ABR: variants seen among roughly 807,000 people sequenced by gnomAD.
ABR encodes ABR activator of RhoGEF and GTPase, also known as active breakpoint cluster region-related protein.
Under a neutral mutation model 107.2 loss-of-function variants are expected in ABR, and 35 were observed. The ratio of observed to expected loss-of-function variants is 0.33; its 90% confidence interval spans 0.25 to 0.43. The LOEUF is 0.43. Among genes scored for constraint, ABR ranks in the 20% least tolerant of loss-of-function variants. The probability of loss-of-function intolerance (pLI) is 1.00; values close to 1 mark genes in which losing one functional copy is unlikely to be tolerated. For missense variants in ABR, 815 were observed against 1,115.2 expected, an observed-to-expected ratio of 0.73 and a Z score of 3.83; for synonymous variants, 498 against 462.0, an observed-to-expected ratio of 1.08 and a Z score of -1.00.
rs957541551 is a variant in ABR at position 1,078,434 on chromosome 17, C to T, written c.700+896G>A. Among the ~76,000 whole-genome samples, 43 of 152,186 alleles carry T rather than the reference C, an allele frequency of 2.8e-4. No individual in the cohort carries two copies. Among genetic ancestry groups the T allele is most frequent in the African/African-American group, 9.7e-4 (40 of 41,446 alleles). On this transcript the variant is annotated intron_variant, in intron 6 of 22. Transcript: ENST00000302538. This position sits in a 1 kb window ranked among gnomAD's most constrained non-coding sequence, Gnocchi z 7.5. ...CGTCCGGACCATCGCCACCCATCGC[C>T]ACGCTGTGCCTGGCCCCCGCAGACC...
intron 1 of ABR, among the ~76,000 whole-genome samples, chr17:1,167,503 G>T (rs958915398): frequency 6.6e-6 from 1 of 152,192 alleles, no homozygotes; most frequent in South Asian, 2.1e-4. Context: ...CGAGCGGAGG[G>T]AGTAAGCCGA....
At chr17:1,142,653 C>G (rs531596200) in intron 1 of ABR, among the ~76,000 whole-genome samples, 1 of 152,178 alleles carries the variant, frequency 6.6e-6, no homozygotes, top group East Asian at 1.9e-4. Flanking sequence ...TCAATTCAGC[C>G]AGCACAGGGA....
chr17:1,140,031 G>A (rs887021151), intron 1 of ABR, among the ~76,000 whole-genome samples: 2 of 152,166 alleles, frequency 1.3e-5, no homozygotes, highest in Non-Finnish European at 2.9e-5. Context: ...CAGATTTCAC[G>A]CACGCTGGGA....
chr17:1,136,611 G>A (rs1031182671), intron 1 of ABR, among the ~76,000 whole-genome samples: 1 of 152,116 alleles, frequency 6.6e-6, no homozygotes, highest in African/African-American at 2.4e-5. Context: ...TTCTCCATCC[G>A]TACTTGCTGC....
At chr17:1,086,532 G>A (rs1205199457) in intron 4 of ABR, among the ~76,000 whole-genome samples, 6 of 147,480 alleles carry the variant, frequency 4.1e-5, no homozygotes, top group Admixed American at 2.7e-4. Context: ...ATGGAGTCTC[G>A]CTCTGTCAAC....
rs1424540387 is a variant in ABR at position 1,150,223 on chromosome 17, C to A, written c.62-24856G>T. Reference sequence around the variant, plus strand: ...CTGTGTCAGAATTTTTTTTGTTACCCACCTGACAAAGCTCTTCATCTTGCT... The same window carrying A: ...CTGTGTCAGAATTTTTTTTGTTACCAACCTGACAAAGCTCTTCATCTTGCT... On this transcript the variant is annotated intron_variant, in intron 1 of 22. Transcript: ENST00000302538. This position sits in a 1 kb window ranked among gnomAD's most constrained non-coding sequence, Gnocchi z 4.8. 2.6e-5 allele frequency among the ~76,000 whole-genome samples: 4 copies of A among 152,210 alleles called. No homozygotes were observed. The East Asian group carries it at 7.7e-4, about 29-fold the overall frequency.
rs569515319 is a variant in ABR, at chr17:1,178,436, T to C, written c.61+1231A>G. Among the ~76,000 whole-genome samples, 433 of 151,630 alleles carry C rather than the reference T, an allele frequency of 2.9e-3. 2 individuals carry two copies. The highest frequency in any genetic ancestry group is 3.2e-3 in the Non-Finnish European group (216 of 67,876). On this transcript the variant is annotated intron_variant, in intron 1 of 22. Transcript: ENST00000302538. ...AAAATTAGCCGAGAGTGGTGGTGGG[T>C]ACCTGTAATCCCAGCTACTCAGGAG...
chr17:1,098,587 C>T (rs1032043551), intron 3 of ABR, among the ~76,000 whole-genome samples: 4 of 152,192 alleles, frequency 2.6e-5, no homozygotes, highest in Non-Finnish European at 4.4e-5. Context: ...GATTTCACAA[C>T]CCAAAGCACT....
chr17:1,086,333 G>A (rs998168514), intron 4 of ABR, among the ~76,000 whole-genome samples: 6 of 152,166 alleles, frequency 3.9e-5, no homozygotes, highest in South Asian at 2.1e-4. Context: ...GCTCACAAAC[G>A]GGGGAAGCCG....
At chr17:1,034,023 T>A (rs1357268476) in intron 16 of ABR, among the ~76,000 whole-genome samples, 1 of 147,696 alleles carries the variant, frequency 6.8e-6, no homozygotes, top group Non-Finnish European at 1.5e-5. Flanking sequence ...CAGGCTGGAG[T>A]GCAGTGGTGC....
At chr17:1,140,438 G>A (rs1267549044) in intron 1 of ABR, among the ~76,000 whole-genome samples, 2 of 152,180 alleles carry the variant, frequency 1.3e-5, no homozygotes, top group Non-Finnish European at 2.9e-5. Context: ...ACTGGCCAGC[G>A]GAAGCGAGGC....
chr17:1,109,496 TGGCGGAGGCTTCTGC>T (rs1274768930), intron 2 of ABR, among the ~76,000 whole-genome samples: 2 of 150,922 alleles, frequency 1.3e-5, no homozygotes, highest in Admixed American at 6.6e-5. Flanking sequence ...GGGCCGCGGC[TGGCGGAGGCTTCTGC>T]GGCGGAGGAG....
chr17:1,028,785 C>T (rs557493507), intron 16 of ABR, among the ~76,000 whole-genome samples: 8 of 152,322 alleles, frequency 5.3e-5, no homozygotes, highest in African/African-American at 1.7e-4. Flanking sequence ...TCCCCACCGC[C>T]GGCCAGCATC....
intron 1 of ABR, among the ~76,000 whole-genome samples, chr17:1,176,491 C>A (rs2041922532): frequency 6.6e-6 from 1 of 152,186 alleles, no homozygotes; most frequent in Non-Finnish European, 1.5e-5. Flanking sequence ...GCTAACTGAG[C>A]CTCACTTTCC....
intron 1 of ABR, among the ~76,000 whole-genome samples, chr17:1,136,877 G>A (rs543384275): frequency 1.3e-5 from 2 of 152,276 alleles, no homozygotes; most frequent in East Asian, 3.9e-4. Flanking sequence ...TGTGTTCACT[G>A]GAGAAGCACT....
At chr17:1,108,919 G>A (rs1393628701) in intron 2 of ABR, 3 of 1,581,052 alleles carry the variant, frequency 1.9e-6, no homozygotes, top group Admixed American at 1.8e-5. Flanking sequence ...CGCCCAGGGC[G>A]TGTCACGCTC....
chr17:1,150,893 T>C lies in ABR; in HGVS notation c.62-25526A>G, dbSNP rs953802027. ...TTGCTGAGCTACTGGTGCGCGTATGTGTGCATATATATACACATGTGCACA... is the reference window on the plus strand; with the variant it reads ...TTGCTGAGCTACTGGTGCGCGTATGCGTGCATATATATACACATGTGCACA... On this transcript the variant is annotated intron_variant, in intron 1 of 22. Coordinates refer to ENST00000302538, the MANE Select transcript of ABR (RefSeq NM_021962.5). This position sits in a 1 kb window ranked among gnomAD's most constrained non-coding sequence, Gnocchi z 4.8. Among the ~76,000 whole-genome samples, 2 of 152,180 alleles carry C rather than the reference T, an allele frequency of 1.3e-5. No individual in the cohort carries two copies. The highest frequency in any genetic ancestry group is 2.9e-5 in the Non-Finnish European group (2 of 68,036).
intron 1 of ABR, among the ~76,000 whole-genome samples, chr17:1,137,798 G>A (rs2040140636): frequency 6.6e-6 from 1 of 151,936 alleles, no homozygotes; most frequent in Non-Finnish European, 1.5e-5. Context: ...AGCAAGGTAC[G>A]CCCGCATCAC....
rs991690325 is a variant in ABR at position 1,200,645 on chromosome 17, G to A, written c.838+28148C>T. On this transcript the variant is annotated intron_variant, in intron 1 of 22. Coordinates refer to the ABR transcript ENST00000574139. This position sits in a 1 kb window ranked among gnomAD's most constrained non-coding sequence, Gnocchi z 4.1. ...CAAGCAGAACAAGTTTCACCTAGATGAGCTATGACCTCACTTTATTCGGGG... is the reference window on the plus strand; with the variant it reads ...CAAGCAGAACAAGTTTCACCTAGATAAGCTATGACCTCACTTTATTCGGGG... Among the ~76,000 whole-genome samples the A allele has an allele frequency of 6.6e-6, 1 of 152,052 alleles. No homozygotes were observed. Among genetic ancestry groups the A allele is most frequent in the African/African-American group, 2.4e-5 (1 of 41,392 alleles).
Sources: allele counts gnomAD v4.1 joint callset (sites outside exome capture counted in the v4.1 genomes callset), GRCh38; gene constraint gnomAD v4.1.1; non-coding constraint Gnocchi (gnomAD v3.1); transcripts MANE v1.5; gene names NCBI Gene and HGNC (gene_info 2026-07-23, HGNC 2026-07-21).